Variants in NBEAL1 observed in about 807,000 individuals in gnomAD.
The protein encoded by NBEAL1 is neurobeachin-like protein 1.
Under a neutral mutation model 351.3 loss-of-function variants are expected in NBEAL1, and 273 were observed. That is an observed-to-expected ratio of 0.78 (90% CI 0.70 to 0.86). The LOEUF (loss-of-function observed/expected upper bound fraction) is 0.86. Ranked by LOEUF, NBEAL1 falls within the 40% of genes least tolerant of loss-of-function variation. The probability of loss-of-function intolerance (pLI) is 0.00; values close to 1 mark genes in which losing one functional copy is unlikely to be tolerated. For synonymous variants in NBEAL1, 1,050 were observed against 1,086.4 expected (o/e 0.97, Z 0.66); for missense variants, 2,961 against 3,201.3 (o/e 0.92, Z 1.81).
chr2:203,128,136 G>A (rs1307434964), intron 24 of NBEAL1, among the ~76,000 whole-genome samples, 199 bp downstream of exon 24: 4 of 151,368 alleles, frequency 2.6e-5, no homozygotes, highest in East Asian at 3.9e-4. Context: ...CCAGGCTGGA[G>A]TGCAGTGGCA....
chr2:203,135,569 A>G (rs1442369114), intron 27 of NBEAL1, 108 bp from the exon 28 acceptor site: 1 of 696,936 alleles, frequency 1.4e-6, no homozygotes, highest in Non-Finnish European at 2.3e-6. Flanking sequence ...ATATTCTTCT[A>G]TAGTTTCTCA....
In NBEAL1 at chr2:203,169,780, C is replaced by A; in HGVS notation, c.6031C>A (p.Leu2011Ile). The change falls in exon 39 of 56, where the codon CTT becomes ATT. Residue 2011 changes from leucine (L) to isoleucine (I), a missense_variant. Physicochemically the swap from Leu to Ile is conservative, Grantham distance 5. Transcript: ENST00000683969. ...RNKIYSRLLS[L>I]HSPNSYYGSR... is the part of the protein sequence containing the mutation. Reference sequence around the variant, plus strand: ...CAAAATATATAGCCGACTGTTGTCACTTCATTCCCCAAATAGTTATTATGG... The same window carrying A: ...CAAAATATATAGCCGACTGTTGTCAATTCATTCCCCAAATAGTTATTATGG... The A allele has an allele frequency of 1.2e-6, 2 of 1,610,360 alleles. No individual in the cohort carries two copies. Among genetic ancestry groups the A allele is most frequent in the Non-Finnish European group, 1.7e-6 (2 of 1,178,120 alleles).
chr2:203,115,262 A>G (rs775817043), intron 17 of NBEAL1, among the ~76,000 whole-genome samples: 2 of 151,388 alleles, frequency 1.3e-5, no homozygotes, highest in Non-Finnish European at 2.9e-5. Flanking sequence ...CTGGGATTAC[A>G]GGCACCTGCC....
rs977014148 is a variant in NBEAL1, at chr2:203,222,142, G to C, written c.*4788G>C. 6.6e-6 allele frequency among the ~76,000 whole-genome samples: 1 copy of C among 152,200 alleles called. No individual in the cohort carries two copies. Among genetic ancestry groups the C allele is most frequent in the Non-Finnish European group, 1.5e-5 (1 of 68,038 alleles). On this transcript the variant is annotated 3_prime_UTR_variant, in exon 56 of 56. Transcript: ENST00000683969. ...ATCAAGGCTGCAGTAAGCTGTGATTGCACCACTGCACTTCAGCCTAGGTGG... is the reference window on the plus strand; with the variant it reads ...ATCAAGGCTGCAGTAAGCTGTGATTCCACCACTGCACTTCAGCCTAGGTGG...
intron 33 of NBEAL1, 136 bp from the exon 34 acceptor site, chr2:203,148,847 GAATAAGAA>G (rs2063575589): frequency 2.0e-6 from 1 of 507,656 alleles, no homozygotes; most frequent in Non-Finnish European, 3.3e-6. Context: ...GATTCTAATG[GAATAAGAA>G]AAGCCTATTG....
intron 49 of NBEAL1, 127 bp from the exon 50 acceptor site, chr2:203,201,416 T>C: frequency 1.5e-6 from 1 of 661,844 alleles, no homozygotes; most frequent in Non-Finnish European, 2.3e-6. Context: ...CGTTTATTAA[T>C]AGACATTTCA....
rs556005954 is a variant in NBEAL1 at position 203,060,595 on chromosome 2, C to T, written c.515+3142C>T. ...TTACTAATTTAATTTTTTAAAAAAC[C>T]ACTACCTATTAAACTCATGTAGCAT... is the stretch of plus-strand genomic sequence containing the variant. On this transcript the variant is annotated intron_variant, in intron 6 of 55. Transcript: ENST00000683969. 9.2e-5 allele frequency among the ~76,000 whole-genome samples: 14 copies of T among 152,224 alleles called. No homozygotes were observed. In the South Asian group the frequency reaches 2.7e-3, roughly 29 times the overall value.
chr2:203,019,585 A>C (rs72932590), intron 2 of NBEAL1, among the ~76,000 whole-genome samples: 14,089 of 152,262 alleles, frequency 0.093, 765 homozygotes, highest in Non-Finnish European at 0.12. Context: ...GCTTCCGGGC[A>C]GTAAGGTTAA....
chr2:203,020,980 G>A (rs2060761919), intron 2 of NBEAL1, among the ~76,000 whole-genome samples: 1 of 152,098 alleles, frequency 6.6e-6, no homozygotes, highest in Admixed American at 6.6e-5. Flanking sequence ...GAGTGCAGTG[G>A]CCCAATCTCA....
At chr2:203,106,720 C>A (rs991057623) in intron 12 of NBEAL1, among the ~76,000 whole-genome samples, 1 of 152,046 alleles carries the variant, frequency 6.6e-6, no homozygotes, top group African/African-American at 2.4e-5. Context: ...CTAAAGGAAA[C>A]CAGCTTTACT....
Position 203,098,248 on chromosome 2 carries a change from G to A in NBEAL1, c.1185+615G>A, listed in dbSNP as rs549213380. Reference sequence around the variant, plus strand: ...AAAAAAACTACCTTTAAAAATTGACGTTATTTTTCTCTTCCAAAATATTTC... The same window carrying A: ...AAAAAAACTACCTTTAAAAATTGACATTATTTTTCTCTTCCAAAATATTTC... On this transcript the variant is annotated intron_variant, in intron 11 of 55. Transcript: ENST00000683969. Among the ~76,000 whole-genome samples, 7 of 151,520 alleles carry A rather than the reference G, an allele frequency of 4.6e-5. No individual in the cohort carries two copies. In the South Asian group the frequency reaches 1.3e-3, roughly 27 times the overall value.
intron 8 of NBEAL1, among the ~76,000 whole-genome samples, chr2:203,078,517 T>G (rs2061817301): frequency 1.3e-5 from 2 of 152,244 alleles, no homozygotes; most frequent in South Asian, 4.1e-4. Context: ...ATTTTTGTAT[T>G]TTTAGCAAAC....
intron 36 of NBEAL1, among the ~76,000 whole-genome samples, chr2:203,158,419 C>A (rs2063854150): frequency 6.6e-6 from 1 of 152,138 alleles, no homozygotes; most frequent in African/African-American, 2.4e-5. Context: ...TTGAAAGATA[C>A]AAATTACCCA....
intron 26 of NBEAL1, 58 bp from the exon 27 acceptor site, chr2:203,133,000 G>A (rs2063108005): frequency 1.4e-6 from 1 of 731,164 alleles, no homozygotes; most frequent in Admixed American, 2.9e-5. Flanking sequence ...ATTATCCACA[G>A]TTCTTTCTTT....
chr2:203,044,164 G>A (rs2061190037), intron 3 of NBEAL1, among the ~76,000 whole-genome samples: 1 of 152,022 alleles, frequency 6.6e-6, no homozygotes, highest in African/African-American at 2.4e-5. Flanking sequence ...GGATGTGAGT[G>A]TACTAAAAAA....
intron 10 of NBEAL1, among the ~76,000 whole-genome samples, chr2:203,090,311 A>C (rs1366686017): frequency 1.3e-5 from 2 of 152,206 alleles, no homozygotes; most frequent in Admixed American, 6.5e-5. Flanking sequence ...TGAACATTAT[A>C]TCCAATGGAT....
At chr2:203,094,856 T>C (rs1210558248) in intron 10 of NBEAL1, among the ~76,000 whole-genome samples, 1 of 152,226 alleles carries the variant, frequency 6.6e-6, no homozygotes, top group Non-Finnish European at 1.5e-5. Context: ...GCTCAGTGGC[T>C]CACGCCTGTA....
intron 55 of NBEAL1, among the ~76,000 whole-genome samples, chr2:203,215,687 CAAA>C (rs1346803113): frequency 2.8e-5 from 3 of 107,462 alleles, no homozygotes. Flanking sequence ...GACTCCATCT[CAAA>C]AAAAAAAAAA....
intron 21 of NBEAL1, 48 bp downstream of exon 21, chr2:203,126,141 C>T (rs1426942945): frequency 6.8e-7 from 1 of 1,474,026 alleles, no homozygotes; most frequent in Non-Finnish European, 9.0e-7. Context: ...TTGTGATTTG[C>T]AGTTGATGTT....
Sources: allele counts gnomAD v4.1 joint callset (sites outside exome capture counted in the v4.1 genomes callset), GRCh38; gene constraint gnomAD v4.1.1; transcripts MANE v1.5; gene names NCBI Gene and HGNC (gene_info 2026-07-23, HGNC 2026-07-21).